TENM3: variants seen among roughly 807,000 people sequenced by gnomAD.
TENM3 encodes the protein teneurin transmembrane protein 3.
A neutral mutation model predicts 255.1 loss-of-function variants in TENM3; 63 were observed. The observed-to-expected ratio is 0.25, with a 90% confidence interval of 0.20 to 0.30. The LOEUF (loss-of-function observed/expected upper bound fraction) is 0.30, where lower values mean the gene tolerates loss of function less well. TENM3 is among the 10% of genes least tolerant of loss of function. The pLI, the probability that TENM3 is intolerant of heterozygous loss-of-function variation, is 1.00. For missense variants in TENM3, 2,929 were observed against 3,461.1 expected (o/e 0.85, Z 3.86); for synonymous variants, 1,306 against 1,322.3 (o/e 0.99, Z 0.27).
chr4:181,904,217 C>T, the TENM3 span, among the ~76,000 whole-genome samples: 9,599 of 152,136 alleles, frequency 0.063, 412 homozygotes, highest in East Asian at 0.24. Context: ...GGATGCAAGC[C>T]ACTATCAGTC....
intron 1 of TENM3, among the ~76,000 whole-genome samples, chr4:182,217,073 T>C (rs1755534768): frequency 7.4e-6 from 1 of 135,196 alleles, no homozygotes; most frequent in Non-Finnish European, 1.5e-5. Flanking sequence ...CAGGCTAGAG[T>C]GCAGTGGTGT....
intron 1 of TENM3, among the ~76,000 whole-genome samples, chr4:182,205,933 G>A (rs1177408518): frequency 6.6e-6 from 1 of 151,938 alleles, no homozygotes; most frequent in Non-Finnish European, 1.5e-5. Context: ...CTTTACATCC[G>A]GAACATGGAC....
the TENM3 span, among the ~76,000 whole-genome samples, chr4:181,461,978 A>G: frequency 6.6e-6 from 1 of 152,126 alleles, no homozygotes; most frequent in Non-Finnish European, 1.5e-5. Context: ...ACTCTGTTGT[A>G]CGTATTCCTT....
At chr4:181,510,353 A>G in the TENM3 span, among the ~76,000 whole-genome samples, 1 of 152,202 alleles carries the variant, frequency 6.6e-6, no homozygotes, top group Admixed American at 6.5e-5. Flanking sequence ...CATACCAAAT[A>G]TAACAAACAA....
intron 3 of TENM3, among the ~76,000 whole-genome samples, chr4:182,413,700 C>T (rs796387475): frequency 3.3e-5 from 5 of 152,230 alleles, no homozygotes; most frequent in African/African-American, 1.2e-4. Context: ...AGAAGATTTT[C>T]CCCAAATGCT....
the TENM3 span, among the ~76,000 whole-genome samples, chr4:181,609,323 G>A: frequency 6.6e-6 from 1 of 152,298 alleles, no homozygotes; most frequent in South Asian, 2.1e-4. Flanking sequence ...GAAATAAGAT[G>A]CTTTTTTCAT....
At chr4:182,441,996 G>A (rs1431975266) in intron 3 of TENM3, among the ~76,000 whole-genome samples, 1 of 152,182 alleles carries the variant, frequency 6.6e-6, no homozygotes, top group Non-Finnish European at 1.5e-5. Context: ...AGTATTTACG[G>A]AGCTGAATGG....
At chr4:182,221,056 G>A (rs992664135) in intron 1 of TENM3, among the ~76,000 whole-genome samples, 3 of 152,176 alleles carry the variant, frequency 2.0e-5, no homozygotes, top group Non-Finnish European at 2.9e-5. Context: ...GAAAAGCATG[G>A]TTGTTCTGTG....
chr4:181,987,619 G>A, the TENM3 span, among the ~76,000 whole-genome samples: 1 of 152,070 alleles, frequency 6.6e-6, no homozygotes, highest in Admixed American at 6.6e-5. Context: ...ATGCAGAACT[G>A]CAGCAGAAAT....
chr4:182,746,296 G>A (rs7691360), intron 19 of TENM3, among the ~76,000 whole-genome samples: 103,689 of 152,038 alleles, frequency 0.68, 36,700 homozygotes, highest in East Asian at 0.9. Flanking sequence ...GTAAGGAAAC[G>A]TTTTCTGGAA....
chr4:181,791,014 T>A, the TENM3 span, among the ~76,000 whole-genome samples: 1 of 152,156 alleles, frequency 6.6e-6, no homozygotes, highest in Non-Finnish European at 1.5e-5. Context: ...ACGGGCCATA[T>A]GATGAATGCT....
intron 3 of TENM3, among the ~76,000 whole-genome samples, chr4:182,463,664 C>T (rs1387204960): frequency 2.0e-5 from 3 of 151,524 alleles, no homozygotes; most frequent in Admixed American, 6.6e-5. Flanking sequence ...GCTCTTGCTG[C>T]CCAGGCTGGA....
At chr4:181,960,122 A>T in the TENM3 span, among the ~76,000 whole-genome samples, 1 of 152,250 alleles carries the variant, frequency 6.6e-6, no homozygotes, top group African/African-American at 2.4e-5. Context: ...CATCTTTTAA[A>T]AGAAAAATAG....
At chr4:182,750,815 A>G (rs9993744) in intron 19 of TENM3, among the ~76,000 whole-genome samples, 1 of 152,024 alleles carries the variant, frequency 6.6e-6, no homozygotes, top group Non-Finnish European at 1.5e-5. Flanking sequence ...GATTCCCATC[A>G]TGTTGACGTC....
At chr4:182,355,533 A>C (rs749818316) in intron 3 of TENM3, among the ~76,000 whole-genome samples, 2 of 152,210 alleles carry the variant, frequency 1.3e-5, no homozygotes, top group Non-Finnish European at 2.9e-5. Flanking sequence ...CACCTCACCT[A>C]ATACCTGAAC....
intron 1 of TENM3, among the ~76,000 whole-genome samples, chr4:182,286,865 C>A (rs999497076): frequency 2.0e-5 from 3 of 152,128 alleles, no homozygotes; most frequent in Non-Finnish European, 2.9e-5. Context: ...CCAGAGAAGT[C>A]TTTTGGAAAC....
At chr4:182,019,213 C>T in the TENM3 span, among the ~76,000 whole-genome samples, 1 of 152,158 alleles carries the variant, frequency 6.6e-6, no homozygotes, top group African/African-American at 2.4e-5. Context: ...CTGATAGCAA[C>T]CTCACCCTCA....
At chr4:182,779,603 T>G (rs1579473885) in intron 24 of TENM3, among the ~76,000 whole-genome samples, 1 of 152,194 alleles carries the variant, frequency 6.6e-6, no homozygotes, top group Non-Finnish European at 1.5e-5. Context: ...CAAATGGTAT[T>G]TCCAGTTCTA....
chr4:182,672,229 G>A (rs751130667), intron 6 of TENM3, among the ~76,000 whole-genome samples: 2 of 152,182 alleles, frequency 1.3e-5, no homozygotes, highest in Non-Finnish European at 2.9e-5. Context: ...TGCAGGAAGA[G>A]AAGAGATGGT....
Sources: allele counts gnomAD v4.1 joint callset (sites outside exome capture counted in the v4.1 genomes callset), GRCh38; gene constraint gnomAD v4.1.1; transcripts MANE v1.5; gene names NCBI Gene and HGNC (gene_info 2026-07-23, HGNC 2026-07-21).